Variants in C4orf33 observed in about 807,000 individuals in gnomAD.
The protein encoded by C4orf33 is UPF0462 protein C4orf33.
Under a neutral mutation model 24.3 loss-of-function variants are expected in C4orf33, and 20 were observed. The ratio of observed to expected loss-of-function variants is 0.82; its 90% CI spans 0.58 to 1.19. C4orf33 has a LOEUF of 1.19. C4orf33 is among the 50% of genes most tolerant of loss of function. C4orf33 has a pLI of 0.00. For synonymous variants in C4orf33, 67 were observed against 76.4 expected (o/e 0.88, Z 0.64); for missense variants, 207 against 225.9 (o/e 0.92, Z 0.54).
At chr4:129,104,959 AGTGTGTGTGT>A (rs59872290) in intron 2 of C4orf33, among the ~76,000 whole-genome samples, 4 of 149,150 alleles carry the variant, frequency 2.7e-5, no homozygotes, top group African/African-American at 5.0e-5. Context: ...TGTGCATCTG[AGTGTGTGTGT>A]GTGTGTGTGT....
intron 3 of C4orf33, 96 bp downstream of exon 3, chr4:129,106,743 A>G (rs1007586882): frequency 9.4e-6 from 6 of 637,764 alleles, no homozygotes; most frequent in Non-Finnish European, 1.6e-5. Context: ...TTAATTCCAG[A>G]GTAAGAATGG....
At chr4:129,098,005 T>C (rs938541268) in intron 1 of C4orf33, among the ~76,000 whole-genome samples, 12 of 152,218 alleles carry the variant, frequency 7.9e-5, no homozygotes, top group African/African-American at 2.9e-4. Context: ...CTTATTGATT[T>C]CTAGGAGCTC....
chr4:129,106,518 G>T, intron 2 of C4orf33, 69 bp from the exon 3 acceptor site: 1 of 763,398 alleles, frequency 1.3e-6, no homozygotes, highest in Non-Finnish European at 2.1e-6. Context: ...ATATTCTAAA[G>T]GAATAAATTA....
Position 129,102,746 on chromosome 4 carries a change from C to G in C4orf33, c.136C>G (p.Leu46Val), listed in dbSNP as rs1561088367. 6.2e-7 allele frequency: 1 copy of G among 1,613,934 alleles called. No homozygotes were observed. The highest frequency in any genetic ancestry group is 1.3e-5 in the African/African-American group (1 of 75,032). ...ATTTTTCAGGGATCCTCCAGCCCCA[C>G]TTGGAGAACCAGGAAAACCTTTCAA... ...APFFRDPPAP[L>V]GEPGKPFNEL... The change falls in exon 2 of 6, where the codon CTT becomes GTT. Residue 46 changes from leucine to valine, a missense_variant. Physicochemically the swap from Leu to Val is conservative, Grantham distance 32. Coordinates refer to ENST00000425929, the MANE Select transcript of C4orf33 (RefSeq NM_001099783.2).
At chr4:129,110,055 T>G (rs913444721) in intron 5 of C4orf33, 7 of 994,954 alleles carry the variant, frequency 7.0e-6, no homozygotes, top group Non-Finnish European at 8.4e-6. Flanking sequence ...TACAAGGAAA[T>G]CTAATCTTCA....
At chr4:129,106,305 A>C (rs771406610) in intron 2 of C4orf33, among the ~76,000 whole-genome samples, 5 of 152,094 alleles carry the variant, frequency 3.3e-5, no homozygotes, top group African/African-American at 7.2e-5. Flanking sequence ...TAACTGGCTC[A>C]AAGTTTATGT....
Position 129,109,591 on chromosome 4 carries a change from A to G in C4orf33, c.413A>G (p.His138Arg), listed in dbSNP as rs554326745. The G allele has an allele frequency of 3.7e-6, 6 of 1,614,124 alleles. 1 individual carries two copies. The South Asian group carries it at 4.4e-5, about 12-fold the overall frequency. Residue 138 changes from histidine (H) to arginine (R), a missense_variant, in exon 5 of 6, where the codon CAT (histidine) becomes CGT (arginine). His to Arg is a conservative substitution (Grantham distance 29). Transcript: ENST00000425929. ...NVTKFNSFAI[H>R]GSKDKRSYEA... ...ACAAAATTCAATTCATTTGCAATTC[A>G]TGGATCAAAAGATAAACGAAGTTAT... is the stretch of plus-strand genomic sequence containing the variant.
chr4:129,114,349 C>G lies in C4orf33; in HGVS notation c.*2558C>G, dbSNP rs867319766. The G allele has an allele frequency of 1.3e-5, 2 of 152,242 alleles. No homozygotes were observed. The highest frequency in any genetic ancestry group is 1.3e-4 in the Admixed American group (2 of 15,276). The allele number at this position is 152,242 out of a possible 1,614,324, so 9.4% of individuals were successfully genotyped here. ...GTTTAACAATTTATGGTCCCTTCCA[C>G]ACAGCTCCTCAGAAGTTCTCTTAAA... On this transcript the variant is annotated 3_prime_UTR_variant, in exon 6 of 6. Transcript: ENST00000425929.
intron 2 of C4orf33, among the ~76,000 whole-genome samples, chr4:129,103,473 AC>A: frequency 6.6e-6 from 1 of 152,128 alleles, no homozygotes. Context: ...GGAGTGTTTT[AC>A]TTATTGTAGA....
At chr4:129,108,979 C>G (rs111898245) in intron 3 of C4orf33, among the ~76,000 whole-genome samples, 8 of 152,142 alleles carry the variant, frequency 5.3e-5, no homozygotes. Context: ...CTCCACCTCC[C>G]GGGTTCAAGC....
At position 129,107,006 on chromosome 4, in the gene C4orf33, C is replaced by T. The variant is rs369952188; in HGVS notation, c.242+359C>T. On this transcript the variant is annotated intron_variant, in intron 3 of 5. Transcript: ENST00000425929. ...TTTGCATTATTATAATATAGCTGTT[C>T]GGAAATAAAAGGAGAGATATGGGTA... Among the ~76,000 whole-genome samples the T allele has an allele frequency of 1.6e-4, 25 of 151,612 alleles. No homozygotes were observed. In the East Asian group the frequency reaches 4.3e-3, roughly 26 times the overall value.
intron 3 of C4orf33, among the ~76,000 whole-genome samples, chr4:129,107,320 T>C (rs1753548133): frequency 6.6e-6 from 1 of 151,982 alleles, no homozygotes; most frequent in African/African-American, 2.4e-5. Context: ...AAACTATTTC[T>C]TTTTTCCTGT....
At chr4:129,110,160 T>A in intron 5 of C4orf33, 1 of 239,760 alleles carries the variant, frequency 4.2e-6, no homozygotes, top group Non-Finnish European at 6.7e-6. Flanking sequence ...AAATGACCCT[T>A]AAGTGGCAAA....
At chr4:129,105,787 A>G (rs1561089778) in intron 2 of C4orf33, among the ~76,000 whole-genome samples, 1 of 152,196 alleles carries the variant, frequency 6.6e-6, no homozygotes, top group Non-Finnish European at 1.5e-5. Context: ...TTTACAAGAA[A>G]GATGTATATG....
In C4orf33 at chr4:129,112,268, A is replaced by G. The variant is rs1561093554; in HGVS notation, c.*477A>G. 6.6e-6 allele frequency: 1 copy of G among 152,576 alleles called. No individual in the cohort carries two copies. The allele number at this position is 152,576 out of a possible 1,614,324, so 9.5% of individuals were successfully genotyped here. A position where few individuals can be genotyped will look rare whatever the true frequency, so the allele number is the denominator to read the frequency against. ...TAGGAAAATGGATAGACAAACTACA[A>G]TATAGTCAGTGGAATACTGTTCATT... On this transcript the variant is annotated 3_prime_UTR_variant, in exon 6 of 6. Transcript: ENST00000425929.
At chr4:129,111,273 T>A (rs1025253997) in intron 5 of C4orf33, among the ~76,000 whole-genome samples, 1 of 152,234 alleles carries the variant, frequency 6.6e-6, no homozygotes, top group Non-Finnish European at 1.5e-5. Flanking sequence ...GAGAAGGGAA[T>A]TAAGAAGTCT....
chr4:129,112,338 A>G lies in C4orf33; in HGVS notation c.*547A>G, dbSNP rs988613280. 1.3e-5 allele frequency: 2 copies of G among 152,250 alleles called. No individual in the cohort carries two copies. Among genetic ancestry groups the G allele is most frequent in the Non-Finnish European group, 2.9e-5 (2 of 68,038 alleles). The allele number at this position is 152,250 out of a possible 1,614,324, so 9.4% of individuals were successfully genotyped here. A position where few individuals can be genotyped will look rare whatever the true frequency, so the allele number is the denominator to read the frequency against. On this transcript the variant is annotated 3_prime_UTR_variant, in exon 6 of 6. Coordinates refer to ENST00000425929, the MANE Select transcript of C4orf33 (RefSeq NM_001099783.2). ...CATGCAACAACCTGTATGAATCTCAAAAACATTAAGTTGAGCAAAACAAAC... is the reference window on the plus strand; with the variant it reads ...CATGCAACAACCTGTATGAATCTCAGAAACATTAAGTTGAGCAAAACAAAC...
intron 2 of C4orf33, among the ~76,000 whole-genome samples, chr4:129,106,251 C>T (rs1753513748): frequency 6.6e-6 from 1 of 151,752 alleles, no homozygotes; most frequent in Non-Finnish European, 1.5e-5. Context: ...AATTCTTTTC[C>T]CAGTTGTCAG....
chr4:129,105,357 T>A (rs1194866720), intron 2 of C4orf33, among the ~76,000 whole-genome samples: 1 of 152,200 alleles, frequency 6.6e-6, no homozygotes, highest in East Asian at 1.9e-4. Context: ...AAAAGTCTAC[T>A]GATTTTAATG....
Sources: allele counts gnomAD v4.1 joint callset (sites outside exome capture counted in the v4.1 genomes callset), GRCh38; gene constraint gnomAD v4.1.1; transcripts MANE v1.5; gene names NCBI Gene and HGNC (gene_info 2026-07-23, HGNC 2026-07-21).